The following TTC7A variants were observed in gnomAD, a reference collection of about 807,000 sequenced individuals.
TTC7A encodes tetratricopeptide repeat protein 7A.
TTC7A carries 110 observed loss-of-function variants against 103.7 expected under a neutral mutation model. The observed-to-expected ratio is 1.06, with a 90% CI of 0.91 to 1.24. The LOEUF (loss-of-function observed/expected upper bound fraction) is 1.24. Among genes scored for constraint, TTC7A ranks in the 50% most tolerant of loss-of-function variants. The pLI, the probability that TTC7A is intolerant of heterozygous loss-of-function variation, is 0.00. For missense variants in TTC7A, 1,340 were observed against 1,116.3 expected, an observed-to-expected ratio of 1.20 and a Z score of -2.86; for synonymous variants, 521 against 467.9, an observed-to-expected ratio of 1.11 and a Z score of -1.47.
chr2:47,059,301 G>A lies in TTC7A; in HGVS notation c.2153-1468G>A, dbSNP rs181536506. 5.7e-3 allele frequency among the ~76,000 whole-genome samples: 870 copies of A among 152,078 alleles called. 11 individuals are homozygous for A. Among genetic ancestry groups the A allele is most frequent in the African/African-American group, 0.016 (670 of 41,480 alleles). On this transcript the variant is annotated intron_variant, in intron 18 of 19. Coordinates refer to ENST00000319190, the MANE Select transcript of TTC7A (RefSeq NM_020458.4). ...CTCCCAAAGTGCTGGGACTACAGGC[G>A]TGAGCCTGTAGCCCAGCCACCTGCA...
intron 18 of TTC7A, among the ~76,000 whole-genome samples, chr2:47,055,404 G>A (rs145427297): frequency 6.6e-6 from 1 of 152,264 alleles, no homozygotes; most frequent in African/African-American, 2.4e-5. Flanking sequence ...CCAGTCCAGT[G>A]CGAGAAGCTG....
At chr2:46,972,445 T>A (rs1159829694) in intron 3 of TTC7A, among the ~76,000 whole-genome samples, 1 of 152,260 alleles carries the variant, frequency 6.6e-6, no homozygotes, top group Non-Finnish European at 1.5e-5. Flanking sequence ...GTTATTTATG[T>A]TCACATTGTG....
intron 5 of TTC7A, among the ~76,000 whole-genome samples, chr2:46,982,652 C>A (rs1328376431): frequency 6.6e-6 from 1 of 152,170 alleles, no homozygotes; most frequent in Non-Finnish European, 1.5e-5. Flanking sequence ...TGAACACCCA[C>A]CCACCCATCC....
At chr2:46,970,858 G>A (rs1673291565) in intron 3 of TTC7A, among the ~76,000 whole-genome samples, 1 of 152,168 alleles carries the variant, frequency 6.6e-6, no homozygotes, top group African/African-American at 2.4e-5. Flanking sequence ...CCAGTGTCCT[G>A]GGCACCTGGG....
At chr2:47,025,005 C>T (rs1453333250) in intron 14 of TTC7A, among the ~76,000 whole-genome samples, 4 of 152,194 alleles carry the variant, frequency 2.6e-5, no homozygotes, top group Non-Finnish European at 5.9e-5. Context: ...TGGGCATGCA[C>T]ACATCCTCCA....
rs186514926 is a variant in TTC7A, at chr2:47,027,986, G to T, written c.1642-1238G>T. Among the ~76,000 whole-genome samples, 283 of 152,352 alleles carry T rather than the reference G, an allele frequency of 1.9e-3. 1 individual carries two copies. The highest frequency in any genetic ancestry group is 6.4e-3 in the African/African-American group (267 of 41,586). ...GAGTGCGCAGGCCAGGGCCCATGGGGTGGGGAGCTTTTTCTCTGAGGGTAG... is the reference window on the plus strand; with the variant it reads ...GAGTGCGCAGGCCAGGGCCCATGGGTTGGGGAGCTTTTTCTCTGAGGGTAG... On this transcript the variant is annotated intron_variant, in intron 14 of 19. Coordinates refer to ENST00000319190, the MANE Select transcript of TTC7A (RefSeq NM_020458.4).
chr2:47,060,751 G>A lies in TTC7A; in HGVS notation c.2153-18G>A, dbSNP rs774287253. 1.3e-6 allele frequency: 2 copies of A among 1,582,204 alleles called. No individual in the cohort carries two copies. Among genetic ancestry groups the A allele is most frequent in the South Asian group, 2.3e-5 (2 of 87,206 alleles). On this transcript the variant is annotated intron_variant, in intron 18 of 19. Coordinates refer to ENST00000319190, the MANE Select transcript of TTC7A (RefSeq NM_020458.4). ...CTCCCCACCACTCACACCTCCCACT[G>A]CCCTTCTGCTTTTGCAGCTGAGCTG...
At chr2:47,017,997 C>G (rs1280962179) in intron 11 of TTC7A, among the ~76,000 whole-genome samples, 2 of 152,130 alleles carry the variant, frequency 1.3e-5, no homozygotes, top group Non-Finnish European at 2.9e-5. Flanking sequence ...ATGAACCTGG[C>G]TAGCTGCAGT....
intron 10 of TTC7A, 86 bp downstream of exon 10, chr2:47,006,810 A>C: frequency 9.0e-7 from 1 of 1,107,130 alleles, no homozygotes; most frequent in South Asian, 1.3e-5. Context: ...TGGCCAGGGG[A>C]GTGGGTGGGT....
intron 15 of TTC7A, among the ~76,000 whole-genome samples, chr2:47,041,809 G>A (rs1425179443): frequency 2.0e-5 from 3 of 151,842 alleles, no homozygotes; most frequent in Admixed American, 6.6e-5. Flanking sequence ...AGCCTAGGTG[G>A]CAAAAAAAGA....
At chr2:46,919,310 A>G (rs1238054800) in intron 2 of TTC7A, among the ~76,000 whole-genome samples, 2 of 152,150 alleles carry the variant, frequency 1.3e-5, no homozygotes, top group Non-Finnish European at 2.9e-5. Flanking sequence ...CGAGGCGGCA[A>G]ATCACCTCAG....
At chr2:47,013,368 C>A (rs944600229) in intron 11 of TTC7A, among the ~76,000 whole-genome samples, 1 of 152,154 alleles carries the variant, frequency 6.6e-6, no homozygotes, top group Non-Finnish European at 1.5e-5. Context: ...GTGCTGAGCA[C>A]GTGCAGCAGA....
Position 46,991,966 on chromosome 2 carries a change from C to G in TTC7A, c.765-1484C>G, listed in dbSNP as rs529120657. ...CCAGAGCTTTCCAGAAGGCAAGGGA[C>G]TTGATCTGCAAAGGTGTCCTTTCAT... On this transcript the variant is annotated intron_variant, in intron 5 of 19. Transcript: ENST00000319190. Among the ~76,000 whole-genome samples, 12 of 152,330 alleles carry G rather than the reference C, an allele frequency of 7.9e-5. No homozygotes were observed. In the South Asian group the frequency reaches 2.3e-3, roughly 29 times the overall value.
At chr2:47,067,825 A>C (rs569478099) in intron 19 of TTC7A, 1 of 151,762 alleles carries the variant, frequency 6.6e-6, no homozygotes, top group East Asian at 2.0e-4. Context: ...ACTTTGAAGC[A>C]TAGCTGCCGG....
intron 11 of TTC7A, among the ~76,000 whole-genome samples, chr2:47,018,837 G>A (rs1434788879): frequency 6.6e-6 from 1 of 152,080 alleles, no homozygotes; most frequent in Admixed American, 6.5e-5. Flanking sequence ...GAAGAGAGAA[G>A]GAAGCACAAC....
intron 15 of TTC7A, among the ~76,000 whole-genome samples, chr2:47,042,700 GTGTA>G (rs777100157): frequency 1.7e-4 from 24 of 137,204 alleles, no homozygotes; most frequent in East Asian, 4.1e-4. Flanking sequence ...GTGTGTGTGT[GTGTA>G]TATATATGTA....
At chr2:47,046,116 G>T (rs1682286471) in intron 15 of TTC7A, among the ~76,000 whole-genome samples, 199 bp from the exon 16 acceptor site, 1 of 152,244 alleles carries the variant, frequency 6.6e-6, no homozygotes, top group Non-Finnish European at 1.5e-5. Context: ...TCATGCTTTG[G>T]CAGCAAAGAT....
intron 8 of TTC7A, among the ~76,000 whole-genome samples, chr2:47,003,010 A>G (rs998837315): frequency 6.6e-6 from 1 of 152,024 alleles, no homozygotes; most frequent in Non-Finnish European, 1.5e-5. Context: ...TGCTGCTAGT[A>G]TGCTCCTCTC....
At chr2:47,000,629 G>A (rs17036033) in intron 8 of TTC7A, among the ~76,000 whole-genome samples, 10,844 of 152,254 alleles carry the variant, frequency 0.071, 416 homozygotes, top group Non-Finnish European at 0.079. Flanking sequence ...CTGCTGGTGG[G>A]GACGACAGCA....
Sources: gnomAD v4.1 joint callset for allele counts (sites outside exome capture counted in the v4.1 genomes callset) on GRCh38, gnomAD v4.1.1 for gene constraint, MANE v1.5 for transcripts, NCBI Gene and HGNC (gene_info 2026-07-23, HGNC 2026-07-21) for gene names.